The following GRB2 variants were observed in gnomAD, a reference collection of about 807,000 sequenced individuals.
GRB2 encodes growth factor receptor-bound protein 2.
Under a neutral mutation model 27.4 loss-of-function variants are expected in GRB2, and 2 were observed. The ratio of observed to expected loss-of-function variants is 0.07; its 90% confidence interval spans 0.03 to 0.23. The LOEUF (loss-of-function observed/expected upper bound fraction) is 0.23. Ranked by LOEUF, GRB2 falls within the 10% of genes least tolerant of loss-of-function variation. GRB2 has a pLI of 1.00. For synonymous variants in GRB2, 94 were observed against 99.6 expected (o/e 0.94, Z 0.33); for missense variants, 102 against 282.4 (o/e 0.36, Z 4.58).
At chr17:75,329,046 G>A (rs1271906919) in intron 3 of GRB2, among the ~76,000 whole-genome samples, 1 of 151,824 alleles carries the variant, frequency 6.6e-6, no homozygotes, top group African/African-American at 2.4e-5. Flanking sequence ...TTCTCATATC[G>A]GGGGGCCCTG....
Position 75,393,690 on chromosome 17 carries a change from G to T in GRB2, c.-62C>A. 7.6e-7 allele frequency: 1 copy of T among 1,324,070 alleles called. No individual in the cohort carries two copies. The highest frequency in any genetic ancestry group is 1.1e-6 in the Non-Finnish European group (1 of 918,158). The allele number at this position is 1,324,070 out of a possible 1,614,324, so 82.0% of individuals were successfully genotyped here. On this transcript the variant is annotated 5_prime_UTR_variant, in exon 2 of 6. Transcript: ENST00000316804. ...GGGGAAGGGAGTCTTCCCTGCTGAA[G>T]CAACCCAGCGCTCTGGGCTTAGCCT...
chr17:75,399,627 A>G (rs1322390720), intron 1 of GRB2, among the ~76,000 whole-genome samples: 1 of 151,666 alleles, frequency 6.6e-6, no homozygotes, highest in Non-Finnish European at 1.5e-5. Flanking sequence ...TGGCCTCCCA[A>G]AGTGCTGGGA....
chr17:75,350,942 G>A (rs868537378), intron 2 of GRB2, among the ~76,000 whole-genome samples: 2 of 152,178 alleles, frequency 1.3e-5, no homozygotes, highest in Non-Finnish European at 1.5e-5. Context: ...AAGGGATGTG[G>A]CATAGTCTAG....
intron 2 of GRB2, among the ~76,000 whole-genome samples, chr17:75,382,803 G>A (rs562321243): frequency 1.3e-5 from 2 of 152,270 alleles, no homozygotes; most frequent in South Asian, 4.1e-4. Context: ...CAGCCTTCCG[G>A]GTTCACGCCA....
chr17:75,330,363 A>G (rs914099904), intron 3 of GRB2, among the ~76,000 whole-genome samples: 3 of 151,756 alleles, frequency 2.0e-5, no homozygotes, highest in African/African-American at 7.3e-5. Flanking sequence ...GCCTGGCGAC[A>G]GAGCGAGACT....
At chr17:75,337,695 C>T (rs1399137151) in intron 2 of GRB2, among the ~76,000 whole-genome samples, 3 of 149,488 alleles carry the variant, frequency 2.0e-5, no homozygotes, top group East Asian at 2.0e-4. Context: ...CTCAGCCTCC[C>T]GAGTAGCTGG....
chr17:75,384,576 A>G (rs891987736), intron 2 of GRB2, among the ~76,000 whole-genome samples: 6 of 152,190 alleles, frequency 3.9e-5, no homozygotes, highest in South Asian at 4.1e-4. Flanking sequence ...AGGCTAAGGC[A>G]GGAGAATCGC....
chr17:75,365,875 T>C (rs2078815956), intron 2 of GRB2, among the ~76,000 whole-genome samples: 1 of 152,158 alleles, frequency 6.6e-6, no homozygotes, highest in Admixed American at 6.5e-5. Flanking sequence ...CAGCTGCCCA[T>C]GTCTCCCTTC....
chr17:75,341,596 A>C (rs925613921), intron 2 of GRB2, among the ~76,000 whole-genome samples: 2 of 152,098 alleles, frequency 1.3e-5, no homozygotes, highest in African/African-American at 2.4e-5. Flanking sequence ...AAAAAAGGGA[A>C]GGAGGAAGGA....
chr17:75,394,455 C>G (rs2079018049), intron 1 of GRB2: 1 of 152,176 alleles, frequency 6.6e-6, no homozygotes, highest in Non-Finnish European at 1.5e-5. Flanking sequence ...GATCACAGCT[C>G]CAAGCTGTGT....
chr17:75,331,877 AG>A (rs2078543517), intron 3 of GRB2, among the ~76,000 whole-genome samples: 1 of 152,172 alleles, frequency 6.6e-6, no homozygotes, highest in Non-Finnish European at 1.5e-5. Flanking sequence ...GGACCTGGGG[AG>A]GATGTGCTGT....
chr17:75,349,989 G>T (rs559548886), intron 2 of GRB2, among the ~76,000 whole-genome samples: 2 of 150,828 alleles, frequency 1.3e-5, no homozygotes, highest in African/African-American at 4.9e-5. Context: ...AAGATCTAAT[G>T]TTCATACCTA....
At chr17:75,368,449 C>T (rs2145853154) in intron 2 of GRB2, among the ~76,000 whole-genome samples, 1 of 152,140 alleles carries the variant, frequency 6.6e-6, no homozygotes, top group South Asian at 2.1e-4. Flanking sequence ...TGATCTCAAA[C>T]TCTTGACCTC....
chr17:75,368,680 G>C (rs1477596415), intron 2 of GRB2, among the ~76,000 whole-genome samples: 1 of 151,940 alleles, frequency 6.6e-6, no homozygotes, highest in African/African-American at 2.4e-5. Flanking sequence ...GAGTAGCAGG[G>C]ACTACGGGCA....
intron 2 of GRB2, among the ~76,000 whole-genome samples, chr17:75,390,589 C>T (rs1459658603): frequency 6.6e-6 from 1 of 152,200 alleles, no homozygotes; most frequent in Non-Finnish European, 1.5e-5. Context: ...CAAAGGCAGA[C>T]ATATTGAACC....
intron 4 of GRB2, 52 bp downstream of exon 4, chr17:75,325,846 T>C (rs2078495432): frequency 2.5e-6 from 4 of 1,600,682 alleles, no homozygotes; most frequent in East Asian, 2.2e-5. Flanking sequence ...GGCTTCACAA[T>C]TTGGATCAGT....
intron 3 of GRB2, among the ~76,000 whole-genome samples, chr17:75,327,321 C>T (rs1022680037): frequency 3.3e-5 from 5 of 151,702 alleles, no homozygotes; most frequent in African/African-American, 9.7e-5. Flanking sequence ...CTTGTTGATC[C>T]GCCTGCCTTG....
chr17:75,359,568 G>C (rs2078765373), intron 2 of GRB2, among the ~76,000 whole-genome samples: 1 of 151,748 alleles, frequency 6.6e-6, no homozygotes, highest in Non-Finnish European at 1.5e-5. Flanking sequence ...GCACAGCACT[G>C]AACACAAAGC....
intron 3 of GRB2, among the ~76,000 whole-genome samples, chr17:75,329,538 G>A (rs868307594): frequency 2.0e-5 from 3 of 152,052 alleles, no homozygotes; most frequent in African/African-American, 7.3e-5. Context: ...TACTCTAACT[G>A]GAATTAAAAC....
Sources: allele counts gnomAD v4.1 joint callset (sites outside exome capture counted in the v4.1 genomes callset), GRCh38; gene constraint gnomAD v4.1.1; transcripts MANE v1.5; gene names NCBI Gene and HGNC (gene_info 2026-07-23, HGNC 2026-07-21).